Variants in OSBPL6 observed in about 807,000 individuals in gnomAD.
OSBPL6 encodes oxysterol binding protein like 6, also known as oxysterol-binding protein-related protein 6.
OSBPL6 carries 49 observed loss-of-function variants against 125.8 expected under a neutral mutation model. The ratio of observed to expected loss-of-function variants is 0.39; its 90% CI spans 0.31 to 0.49. OSBPL6 has a LOEUF of 0.49. OSBPL6 is among the 20% of genes least tolerant of loss of function. The pLI is 0.88. For synonymous variants in OSBPL6, 394 were observed against 391.8 expected, an observed-to-expected ratio of 1.01 and a Z score of -0.07; for missense variants, 986 against 1,135.4, an observed-to-expected ratio of 0.87 and a Z score of 1.89.
At chr2:178,269,293 A>G (rs1021387161) in intron 1 of OSBPL6, among the ~76,000 whole-genome samples, 2 of 152,116 alleles carry the variant, frequency 1.3e-5, no homozygotes, top group African/African-American at 4.8e-5. Flanking sequence ...AGGTCCCACA[A>G]TATTATGTTG....
At chr2:178,354,863 A>AC (rs199783442) in intron 12 of OSBPL6, among the ~76,000 whole-genome samples, 1 of 151,954 alleles carries the variant, frequency 6.6e-6, no homozygotes, top group Non-Finnish European at 1.5e-5. Context: ...CAAATGTAAA[A>AC]AACAGAAATC....
chr2:178,223,433 G>C (rs1014092811), intron 1 of OSBPL6, among the ~76,000 whole-genome samples: 3 of 152,130 alleles, frequency 2.0e-5, no homozygotes, highest in African/African-American at 7.2e-5. Flanking sequence ...TCCCCCACTG[G>C]ATTCAAATCT....
intron 1 of OSBPL6, among the ~76,000 whole-genome samples, chr2:178,274,389 A>C: frequency 6.6e-6 from 1 of 152,016 alleles, no homozygotes. Context: ...AATAGCAAGC[A>C]CTTATGTAGT....
intron 2 of OSBPL6, among the ~76,000 whole-genome samples, chr2:178,305,753 T>C (rs1025388207): frequency 6.6e-6 from 1 of 152,026 alleles, no homozygotes; most frequent in African/African-American, 2.4e-5. Context: ...GTCTCAAATA[T>C]AGCGTTATAA....
Position 178,257,797 on chromosome 2 carries a change from TC to T in OSBPL6, c.-350-27128del, listed in dbSNP as rs1181759098. Reference sequence around the variant, plus strand: ...TTCTAGTTGTCTATATTTTTTTAATTCCTTTTTTTTTTTTTGAGACCAGATC... The same window carrying T: ...TTCTAGTTGTCTATATTTTTTTAATTCTTTTTTTTTTTTTGAGACCAGATC... On this transcript the variant is annotated intron_variant, in intron 1 of 24. Transcript: ENST00000190611. Among the ~76,000 whole-genome samples, 643 of 140,178 alleles carry T rather than the reference TC, an allele frequency of 4.6e-3. 8 individuals carry two copies. The highest frequency in any genetic ancestry group is 0.018 in the African/African-American group (617 of 35,032). The allele number at this position is 140,178 out of a possible 152,430, so 92.0% of individuals were successfully genotyped here.
intron 14 of OSBPL6, among the ~76,000 whole-genome samples, chr2:178,373,045 T>G (rs993297610): frequency 2.6e-5 from 4 of 152,334 alleles, no homozygotes; most frequent in African/African-American, 9.6e-5. Context: ...ACTAAGGTCA[T>G]ATTTGTACCA....
At chr2:178,282,103 C>T (rs1469400912) in intron 1 of OSBPL6, among the ~76,000 whole-genome samples, 1 of 152,192 alleles carries the variant, frequency 6.6e-6, no homozygotes, top group Non-Finnish European at 1.5e-5. Context: ...TACTGAGCAG[C>T]TTCTTCTTCC....
At chr2:178,220,469 T>A (rs559815320) in intron 1 of OSBPL6, among the ~76,000 whole-genome samples, 1 of 152,160 alleles carries the variant, frequency 6.6e-6, no homozygotes, top group South Asian at 2.1e-4. Context: ...GGCCTTTTTT[T>A]AAATTTTGTA....
At chr2:178,265,597 T>A (rs1415364808) in intron 1 of OSBPL6, among the ~76,000 whole-genome samples, 1 of 152,098 alleles carries the variant, frequency 6.6e-6, no homozygotes, top group Non-Finnish European at 1.5e-5. Flanking sequence ...AGGTTACTGG[T>A]TCTTTTTTGT....
intron 1 of OSBPL6, among the ~76,000 whole-genome samples, chr2:178,202,666 A>G (rs1297887615): frequency 1.3e-5 from 2 of 152,058 alleles, no homozygotes. Context: ...TACTAAAAAT[A>G]CAAAAATTGG....
intron 1 of OSBPL6, among the ~76,000 whole-genome samples, chr2:178,249,314 A>G (rs1018633265): frequency 6.6e-5 from 10 of 152,198 alleles, no homozygotes; most frequent in African/African-American, 2.4e-4. Flanking sequence ...ATACCTAGAA[A>G]ATGTGAACTT....
At chr2:178,264,666 A>G (rs2092171512) in intron 1 of OSBPL6, among the ~76,000 whole-genome samples, 1 of 152,184 alleles carries the variant, frequency 6.6e-6, no homozygotes, top group African/African-American at 2.4e-5. Context: ...TTACAATTGC[A>G]TATTCTCCAA....
At chr2:178,288,258 G>C (rs542640609) in intron 2 of OSBPL6, among the ~76,000 whole-genome samples, 6 of 152,126 alleles carry the variant, frequency 3.9e-5, no homozygotes, top group African/African-American at 1.4e-4. Flanking sequence ...GAAGAGCTGA[G>C]GGACCCAGAG....
intron 2 of OSBPL6, among the ~76,000 whole-genome samples, chr2:178,295,477 T>C (rs1013700467): frequency 9.2e-5 from 14 of 152,208 alleles, no homozygotes; most frequent in Non-Finnish European, 1.8e-4. Context: ...GCAGTTTGAG[T>C]AGCCACAGCA....
chr2:178,389,174 G>A (rs1178319961), intron 21 of OSBPL6, 21 bp downstream of exon 21: 1 of 1,607,518 alleles, frequency 6.2e-7, no homozygotes, highest in African/African-American at 1.3e-5. Context: ...TCATACAACA[G>A]TAAAGGAAAA....
intron 8 of OSBPL6, among the ~76,000 whole-genome samples, chr2:178,335,843 A>G (rs905761463): frequency 6.6e-6 from 1 of 152,214 alleles, no homozygotes; most frequent in Admixed American, 6.5e-5. Flanking sequence ...ATACGAATTC[A>G]AGGCATTGCA....
intron 16 of OSBPL6, 138 bp downstream of exon 16, chr2:178,382,645 A>G (rs923782995): frequency 3.3e-6 from 5 of 1,525,446 alleles, no homozygotes; most frequent in Non-Finnish European, 4.4e-6. Flanking sequence ...TGTTCAATAC[A>G]TTCTATTTTG....
At chr2:178,195,912 G>A (rs929185956) in intron 1 of OSBPL6, among the ~76,000 whole-genome samples, 6 of 151,908 alleles carry the variant, frequency 3.9e-5, no homozygotes, top group African/African-American at 1.5e-4. Context: ...GTCTTCACAA[G>A]GTAAAAATAA....
At chr2:178,323,301 G>A (rs1363490552) in intron 3 of OSBPL6, among the ~76,000 whole-genome samples, 1 of 151,944 alleles carries the variant, frequency 6.6e-6, no homozygotes, top group African/African-American at 2.4e-5. Flanking sequence ...TTAACTATTC[G>A]TGTACTTCAC....
Sources: gnomAD v4.1 joint callset for allele counts (sites outside exome capture counted in the v4.1 genomes callset) on GRCh38, gnomAD v4.1.1 for gene constraint, MANE v1.5 for transcripts, NCBI Gene and HGNC (gene_info 2026-07-23, HGNC 2026-07-21) for gene names.